Variants in ZNF521 observed in about 807,000 individuals in gnomAD.
ZNF521 encodes zinc finger protein 521, also known as LYST-interacting protein 3.
ZNF521 carries 14 observed loss-of-function variants against 105.5 expected under a neutral mutation model. That is an observed-to-expected ratio of 0.13 (90% CI 0.09 to 0.21). The LOEUF is 0.21. Ranked by LOEUF, ZNF521 falls within the 10% of genes least tolerant of loss-of-function variation. The pLI, the probability that ZNF521 is intolerant of heterozygous loss-of-function variation, is 1.00. For missense variants in ZNF521, 1,233 were observed against 1,629.7 expected (o/e 0.76, Z 4.19); for synonymous variants, 635 against 606.0 (o/e 1.05, Z -0.70).
chr18:25,225,123 C>T lies in ZNF521; in HGVS notation c.2795G>A (p.Cys932Tyr), dbSNP rs1365478212. ...GAAGAAGGTTCGAGAGCACACGTTG[C>T]ACTTGTAATTCCCTTTAATGAGCTC... ...KAELIKGNYK[C>Y]NVCSRTFFSE... The change falls in exon 4 of 8, where the codon TGC (cysteine) becomes TAC (tyrosine). Residue 932 changes from cysteine to tyrosine, a missense_variant. This residue lies in a region of ZNF521 where 614 missense variants were observed against 751.5 expected (regional missense o/e 0.82). Transcript: ENST00000361524. This position sits in a 1 kb window ranked among gnomAD's most constrained non-coding sequence, Gnocchi z 5.6. 12 of 1,614,050 alleles carry T rather than the reference C, an allele frequency of 7.4e-6. No individual in the cohort carries two copies. The highest frequency in any genetic ancestry group is 1.0e-5 in the Non-Finnish European group (12 of 1,180,030).
At chr18:25,131,663 G>A (rs1365369596) in intron 5 of ZNF521, among the ~76,000 whole-genome samples, 1 of 152,154 alleles carries the variant, frequency 6.6e-6, no homozygotes, top group Admixed American at 6.5e-5. Flanking sequence ...CTAGCCCAGA[G>A]CCTTGTACAT....
intron 7 of ZNF521, among the ~76,000 whole-genome samples, chr18:25,063,395 G>A (rs1284403217): frequency 1.3e-5 from 2 of 152,088 alleles, no homozygotes; most frequent in Admixed American, 6.5e-5. Flanking sequence ...ACAGTAGCCC[G>A]CCAGGTCTCC....
At chr18:25,272,489 A>G (rs1408215245) in intron 3 of ZNF521, among the ~76,000 whole-genome samples, 1 of 152,202 alleles carries the variant, frequency 6.6e-6, no homozygotes, top group Non-Finnish European at 1.5e-5. Context: ...ACTGTTCCCA[A>G]TAGCAAAGAC....
At chr18:25,149,672 A>G (rs976471007) in intron 5 of ZNF521, among the ~76,000 whole-genome samples, 3 of 152,156 alleles carry the variant, frequency 2.0e-5, no homozygotes, top group African/African-American at 7.2e-5. Context: ...TTTGTATGAC[A>G]TTTCTGTTGC....
At chr18:25,321,093 C>T (rs1217936621) in intron 3 of ZNF521, among the ~76,000 whole-genome samples, 1 of 152,178 alleles carries the variant, frequency 6.6e-6, no homozygotes, top group Non-Finnish European at 1.5e-5. Context: ...ACACATTTCC[C>T]ATACTCGCTT....
At chr18:25,350,760 G>T in intron 2 of ZNF521, 147 bp downstream of exon 2, 2 of 704,996 alleles carry the variant, frequency 2.8e-6, no homozygotes, top group Non-Finnish European at 4.5e-6. Context: ...CCACCTAGGG[G>T]CTCAGCGGGG....
chr18:25,292,235 G>T (rs565845460), intron 3 of ZNF521, among the ~76,000 whole-genome samples: 1 of 143,360 alleles, frequency 7.0e-6, no homozygotes, highest in Admixed American at 7.0e-5. Context: ...AAACTGTGAT[G>T]CTGACTCAGA....
chr18:25,316,146 C>A (rs1246926073), intron 3 of ZNF521, among the ~76,000 whole-genome samples: 1 of 151,516 alleles, frequency 6.6e-6, no homozygotes, highest in Non-Finnish European at 1.5e-5. Context: ...AGGGAATCCA[C>A]AAGCAACAAA....
intron 1 of ZNF521, chr18:25,351,419 T>A (rs1914763601): frequency 6.7e-6 from 1 of 149,816 alleles, no homozygotes; most frequent in Admixed American, 6.7e-5. Context: ...CTGGGTGATT[T>A]TTTTTTTCTT....
At chr18:25,136,925 G>A (rs2034745643) in intron 5 of ZNF521, among the ~76,000 whole-genome samples, 1 of 152,068 alleles carries the variant, frequency 6.6e-6, no homozygotes, top group African/African-American at 2.4e-5. Flanking sequence ...TGGACTGGGG[G>A]AATACAAGAG....
intron 5 of ZNF521, among the ~76,000 whole-genome samples, chr18:25,120,986 C>T (rs2034428972): frequency 6.6e-6 from 1 of 151,988 alleles, no homozygotes. Context: ...TCAAGTTTAT[C>T]TTTCTCAGTA....
chr18:25,228,295 A>C (rs997604620), intron 3 of ZNF521, among the ~76,000 whole-genome samples: 1 of 152,256 alleles, frequency 6.6e-6, no homozygotes. Context: ...AGCACATGAA[A>C]GAAGACAGAA....
intron 3 of ZNF521, among the ~76,000 whole-genome samples, chr18:25,319,806 T>C (rs376445293): frequency 2.0e-5 from 3 of 152,174 alleles, no homozygotes; most frequent in South Asian, 4.1e-4. Flanking sequence ...ATGTACTTCC[T>C]GATCTGATGC....
intron 3 of ZNF521, among the ~76,000 whole-genome samples, chr18:25,289,085 A>G (rs1910867496): frequency 6.6e-6 from 1 of 152,090 alleles, no homozygotes; most frequent in South Asian, 2.1e-4. Context: ...TTTACTTCCA[A>G]TTTTACTCGT....
chr18:25,193,212 C>G (rs74367886), intron 5 of ZNF521, among the ~76,000 whole-genome samples: 2,007 of 152,040 alleles, frequency 0.013, 15 homozygotes, highest in Non-Finnish European at 0.022. Flanking sequence ...GAAGACAAAA[C>G]AAACTGATTA....
chr18:25,159,526 T>C (rs547779408), intron 5 of ZNF521, among the ~76,000 whole-genome samples: 1 of 151,640 alleles, frequency 6.6e-6, no homozygotes, highest in South Asian at 2.1e-4. Flanking sequence ...AAAAAAACCA[T>C]AGATATTTTG....
chr18:25,289,818 G>C (rs764575810), intron 3 of ZNF521, among the ~76,000 whole-genome samples: 2 of 152,170 alleles, frequency 1.3e-5, no homozygotes, highest in Non-Finnish European at 1.5e-5. Flanking sequence ...AATGCGGCTA[G>C]CTAGACAATC....
intron 5 of ZNF521, among the ~76,000 whole-genome samples, chr18:25,188,493 G>T (rs2035764303): frequency 6.6e-6 from 1 of 152,202 alleles, no homozygotes; most frequent in South Asian, 2.1e-4. Flanking sequence ...GGGCAAGCAT[G>T]ACTGTGCAGG....
intron 4 of ZNF521, chr18:25,201,133 C>G (rs1487749316): frequency 6.6e-6 from 1 of 151,778 alleles, no homozygotes; most frequent in Non-Finnish European, 1.5e-5. Flanking sequence ...AGAGCTGGGT[C>G]TCAGAGGGGC....
Sources: gnomAD v4.1 joint callset for allele counts (sites outside exome capture counted in the v4.1 genomes callset) on GRCh38, gnomAD v4.1.1 for gene constraint, gnomAD v4.1.1 regional missense constraint, Gnocchi (gnomAD v3.1) non-coding constraint, MANE v1.5 for transcripts, NCBI Gene and HGNC (gene_info 2026-07-23, HGNC 2026-07-21) for gene names.